The following DNAJC13 variants were observed in gnomAD, a reference collection of about 807,000 sequenced individuals.
DNAJC13 encodes the protein DnaJ heat shock protein family (Hsp40) member C13.
In DNAJC13, 75 loss-of-function variants were observed where a neutral mutation model predicts 290.5. The observed-to-expected ratio is 0.26, with a 90% CI of 0.21 to 0.31. The LOEUF is 0.31. Ranked by LOEUF, DNAJC13 falls within the 10% of genes least tolerant of loss-of-function variation. The pLI, the probability that DNAJC13 is intolerant of heterozygous loss-of-function variation, is 1.00. For synonymous variants in DNAJC13, 862 were observed against 892.0 expected (o/e 0.97, Z 0.60); for missense variants, 2,260 against 2,674.5 (o/e 0.85, Z 3.42).
chr3:132,453,231 G>C, intron 6 of DNAJC13, 67 bp from the exon 7 acceptor site: 1 of 1,450,552 alleles, frequency 6.9e-7, no homozygotes, highest in African/African-American at 1.4e-5. Context: ...TTTCCTATGA[G>C]TTGATTAGCT....
At chr3:132,493,230 C>A (rs1225522357) in intron 33 of DNAJC13, among the ~76,000 whole-genome samples, 5 of 151,962 alleles carry the variant, frequency 3.3e-5, no homozygotes, top group Admixed American at 2.0e-4. Context: ...CTTGGGACCC[C>A]CCTAACCTGA....
At chr3:132,475,198 C>A in intron 22 of DNAJC13, 113 bp downstream of exon 22, 2 of 708,224 alleles carry the variant, frequency 2.8e-6, no homozygotes, top group Non-Finnish European at 4.1e-6. Context: ...TACCTTTCCC[C>A]CTTTAATGTT....
chr3:132,426,990 A>G (rs992582875), intron 1 of DNAJC13, among the ~76,000 whole-genome samples: 1 of 151,908 alleles, frequency 6.6e-6, no homozygotes, highest in African/African-American at 2.4e-5. Context: ...GAAATAAAAG[A>G]CAAGCTTAAG....
At chr3:132,529,487 A>G (rs1936350111) in intron 54 of DNAJC13, among the ~76,000 whole-genome samples, 1 of 152,230 alleles carries the variant, frequency 6.6e-6, no homozygotes, top group Non-Finnish European at 1.5e-5. Context: ...GATCATTTAA[A>G]TGATTTAAAA....
chr3:132,526,801 C>G (rs1351085652), intron 53 of DNAJC13, among the ~76,000 whole-genome samples: 1 of 151,998 alleles, frequency 6.6e-6, no homozygotes, highest in Admixed American at 6.5e-5. Flanking sequence ...GTTGATGGAA[C>G]AAAAAAGATG....
At chr3:132,444,024 G>C (rs1933163745) in intron 2 of DNAJC13, among the ~76,000 whole-genome samples, 1 of 152,166 alleles carries the variant, frequency 6.6e-6, no homozygotes, top group South Asian at 2.1e-4. Context: ...CCTTATTGCA[G>C]GGGCCCCCAA....
In DNAJC13 at chr3:132,456,690, C is replaced by G; in HGVS notation, c.1207C>G (p.Leu403Val). Residue 403 changes from leucine to valine, a missense_variant, in exon 12 of 56, where the codon CTG (leucine) becomes GTG (valine). Transcript: ENST00000260818. ...TCTCTTCTCAGAAAACAAAGAAAAACTGATCAATAATGCCATAACAGCATT... is the reference window on the plus strand; with the variant it reads ...TCTCTTCTCAGAAAACAAAGAAAAAGTGATCAATAATGCCATAACAGCATT... ...DGLFSENKEK[L>V]INNAITALLS... 4.3e-6 allele frequency: 7 copies of G among 1,613,908 alleles called. No homozygotes were observed. Among genetic ancestry groups the G allele is most frequent in the Non-Finnish European group, 5.9e-6 (7 of 1,179,906 alleles).
At chr3:132,456,123 T>A in intron 9 of DNAJC13, 112 bp from the exon 10 acceptor site, 1 of 888,880 alleles carries the variant, frequency 1.1e-6, no homozygotes, top group Admixed American at 2.5e-5. Context: ...CCATTGTAAC[T>A]GTAGTGTGTC....
intron 43 of DNAJC13, among the ~76,000 whole-genome samples, chr3:132,509,855 A>G (rs1003565327): frequency 4.6e-5 from 7 of 152,084 alleles, no homozygotes; most frequent in African/African-American, 1.7e-4. Context: ...AGACCACAGT[A>G]TAATGTAAAA....
At chr3:132,441,316 C>T (rs1933061867) in intron 2 of DNAJC13, among the ~76,000 whole-genome samples, 1 of 152,184 alleles carries the variant, frequency 6.6e-6, no homozygotes, top group South Asian at 2.1e-4. Flanking sequence ...AATACCGGGA[C>T]ATGAATAGAA....
At chr3:132,489,061 A>G (rs756519031) in intron 31 of DNAJC13, 40 bp downstream of exon 31, 6 of 1,564,276 alleles carry the variant, frequency 3.8e-6, no homozygotes, top group Non-Finnish European at 4.4e-6. Context: ...ACCCTGGGTA[A>G]GCTGTTTTGG....
chr3:132,473,207 T>G lies in DNAJC13; in HGVS notation c.2271T>G (p.Asn757Lys). 1 of 1,607,750 alleles carries G rather than the reference T, an allele frequency of 6.2e-7. No homozygotes were observed. The highest frequency in any genetic ancestry group is 1.1e-5 in the South Asian group (1 of 90,070). ...KRRQRIKIEA[N>K]WDLFYYRFGQ... ...GACAAAGAATAAAAATAGAAGCAAA[T>G]TGGGATCTCTTCTATTATAGGTAAA... is the stretch of plus-strand genomic sequence containing the variant. The change falls in exon 21 of 56, where the codon AAT (asparagine) becomes AAG (lysine). Residue 757 changes from asparagine (N) to lysine (K), a missense_variant. Asn to Lys is a moderately conservative substitution (Grantham distance 94). Coordinates refer to ENST00000260818, the MANE Select transcript of DNAJC13 (RefSeq NM_015268.4).
Position 132,538,287 on chromosome 3 carries a change from T to A in DNAJC13, c.*5T>A. 6.2e-7 allele frequency: 1 copy of A among 1,611,756 alleles called. No individual in the cohort carries two copies. The highest frequency in any genetic ancestry group is 8.5e-7 in the Non-Finnish European group (1 of 1,178,726). Reference sequence around the variant, plus strand: ...GACCTTGGCTATCAGACTTGAAATATTCACGAGAGACAATAAACGCTGAAA... The same window carrying A: ...GACCTTGGCTATCAGACTTGAAATAATCACGAGAGACAATAAACGCTGAAA... On this transcript the variant is annotated 3_prime_UTR_variant, in exon 56 of 56. Transcript: ENST00000260818.
At chr3:132,468,529 C>T (rs895169315) in intron 20 of DNAJC13, among the ~76,000 whole-genome samples, 1 of 152,084 alleles carries the variant, frequency 6.6e-6, no homozygotes, top group Non-Finnish European at 1.5e-5. Context: ...TTTCAAGTGA[C>T]TATGTAGTAT....
At chr3:132,437,580 A>G (rs1939414824) in intron 2 of DNAJC13, among the ~76,000 whole-genome samples, 1 of 152,052 alleles carries the variant, frequency 6.6e-6, no homozygotes, top group Non-Finnish European at 1.5e-5. Context: ...TGTTCTTTCC[A>G]CTTGAATTGT....
At position 132,496,555 on chromosome 3, in the gene DNAJC13, T is replaced by C; in HGVS notation, c.4048T>C (p.Tyr1350His). 1.2e-6 allele frequency: 2 copies of C among 1,602,638 alleles called. No homozygotes were observed. Among genetic ancestry groups the C allele is most frequent in the Non-Finnish European group, 1.7e-6 (2 of 1,174,032 alleles). ...CATGTTTGAAAAAGTAAATAAAGCA[T>C]ATGAATTTTTATGTACCAAATCAGC... ...RDMFEKVNKA[Y>H]EFLCTKSAKI... Residue 1350 changes from tyrosine to histidine, a missense_variant, in exon 36 of 56, where the codon TAT becomes CAT. Coordinates refer to ENST00000260818, the MANE Select transcript of DNAJC13 (RefSeq NM_015268.4).
chr3:132,529,380 A>C (rs1233121622), intron 54 of DNAJC13, among the ~76,000 whole-genome samples: 9 of 152,180 alleles, frequency 5.9e-5, no homozygotes, highest in Non-Finnish European at 1.5e-5. Flanking sequence ...CATAGGTTTT[A>C]ATTGACTTCA....
At chr3:132,502,209 G>A in intron 39 of DNAJC13, 80 bp from the exon 40 acceptor site, 1 of 1,315,396 alleles carries the variant, frequency 7.6e-7, no homozygotes. Flanking sequence ...TGACATACAT[G>A]CACAACCAGT....
intron 38 of DNAJC13, among the ~76,000 whole-genome samples, chr3:132,500,548 T>C (rs1278295574): frequency 6.6e-6 from 1 of 152,212 alleles, no homozygotes; most frequent in Non-Finnish European, 1.5e-5. Flanking sequence ...TCTTTGGCAG[T>C]ACAAAGACCA....
Sources: allele counts gnomAD v4.1 joint callset (sites outside exome capture counted in the v4.1 genomes callset), GRCh38; gene constraint gnomAD v4.1.1; transcripts MANE v1.5; gene names NCBI Gene and HGNC (gene_info 2026-07-23, HGNC 2026-07-21).